Variants in FADS6 observed in about 807,000 individuals in gnomAD.
FADS6 encodes fatty acid desaturase domain family, member 6.
In FADS6, 28 loss-of-function variants were observed where a neutral mutation model predicts 31.7. The observed-to-expected ratio is 0.88, with a 90% CI of 0.66 to 1.21. The LOEUF (loss-of-function observed/expected upper bound fraction) is 1.21. FADS6 is among the 50% of genes most tolerant of loss of function. The probability of loss-of-function intolerance (pLI) is 0.00; values close to 1 mark genes in which losing one functional copy is unlikely to be tolerated. For missense variants in FADS6, 494 were observed against 504.2 expected, an observed-to-expected ratio of 0.98 and a Z score of 0.19; for synonymous variants, 191 against 213.1, an observed-to-expected ratio of 0.90 and a Z score of 0.90.
intron 2 of FADS6, 79 bp from the exon 3 acceptor site, chr17:74,882,789 G>A: frequency 6.5e-7 from 1 of 1,542,978 alleles, no homozygotes; most frequent in Non-Finnish European, 8.7e-7. Context: ...AGAGCCCGGA[G>A]AACACCCCCA....
intron 2 of FADS6, among the ~76,000 whole-genome samples, chr17:74,884,170 C>G (rs996279559): frequency 6.6e-6 from 1 of 152,118 alleles, no homozygotes; most frequent in East Asian, 1.9e-4. Context: ...GAGGACTATT[C>G]TTGCTGTGGC....
Position 74,878,242 on chromosome 17 carries a change from C to A in FADS6, c.*89G>T, listed in dbSNP as rs954835202. 1 of 1,483,424 alleles carries A rather than the reference C, an allele frequency of 6.7e-7. No individual in the cohort carries two copies. Among genetic ancestry groups the A allele is most frequent in the African/African-American group, 1.4e-5 (1 of 71,370 alleles). 91.9% of individuals were successfully genotyped at this position (1,483,424 alleles called of 1,614,324 possible). A position where few individuals can be genotyped will look rare whatever the true frequency, so the allele number is the denominator to read the frequency against. On this transcript the variant is annotated 3_prime_UTR_variant, in exon 6 of 6. Coordinates refer to ENST00000612771, the MANE Select transcript of FADS6 (RefSeq NM_178128.6). ...CTCCACTCTCCAGGTCCACCACCAGCCACTGAGCCACACCCCCTGGACCAG... is the reference window on the plus strand; with the variant it reads ...CTCCACTCTCCAGGTCCACCACCAGACACTGAGCCACACCCCCTGGACCAG...
At chr17:74,887,909 A>G (rs1377822080) in intron 2 of FADS6, among the ~76,000 whole-genome samples, 2 of 151,970 alleles carry the variant, frequency 1.3e-5, no homozygotes, top group East Asian at 3.9e-4. Context: ...GATGGTCTCT[A>G]TCTCCTGACC....
chr17:74,888,280 T>C (rs2038652154), intron 2 of FADS6, among the ~76,000 whole-genome samples: 1 of 152,154 alleles, frequency 6.6e-6, no homozygotes, highest in African/African-American at 2.4e-5. Flanking sequence ...TCTGTCCTAT[T>C]TTTGCAAGGC....
rs1424492411 is a variant in FADS6 at position 74,892,582 on chromosome 17, G to T, written c.352C>A (p.His118Asn). ...LTVKGSHLATHGALTESKRWS... is the reference protein window; with the variant it reads ...LTVKGSHLATNGALTESKRWS... The stretch of plus-strand genomic sequence containing the variant: ...CGTTTGGACTCGGTGAGGGCCCCAT[G>T]AGTGGCCAGGTGGCTGCCCTTGACA... The change falls in exon 2 of 6, where the codon CAT becomes AAT. Residue 118 changes from histidine (H) to asparagine (N), a missense_variant. Coordinates refer to ENST00000612771, the MANE Select transcript of FADS6 (RefSeq NM_178128.6). The T allele has an allele frequency of 1.4e-5, 22 of 1,613,374 alleles. No individual in the cohort carries two copies. Among genetic ancestry groups the T allele is most frequent in the African/African-American group, 2.7e-5 (2 of 74,942 alleles).
intron 2 of FADS6, 45 bp downstream of exon 2, chr17:74,892,478 A>C: frequency 1.0e-5 from 16 of 1,580,260 alleles, no homozygotes; most frequent in Non-Finnish European, 1.4e-5. Context: ...TGAGGCTGCC[A>C]CACGGTCCCA....
rs757742980 is a variant in FADS6 at position 74,881,202 on chromosome 17, A to G, written c.646T>C (p.Ser216Pro). The change falls in exon 4 of 6, where the codon TCT (serine) becomes CCT (proline). Residue 216 changes from serine (S) to proline (P), a missense_variant. By Grantham distance (74) the Ser-to-Pro change is moderately conservative. This residue lies in a region of FADS6 where 454 missense variants were observed against 438.5 expected (regional missense o/e 1.04). Transcript: ENST00000612771. ...GTALRTLALI[S>P]LGLYSHYWLL... ...CAGTAGTGAGAATAAAGGCCCAGAG[A>G]AATCAGGGCCAGCGTCCGCAGGGCT... The G allele has an allele frequency of 6.2e-7, 1 of 1,611,390 alleles. No individual in the cohort carries two copies. The highest frequency in any genetic ancestry group is 8.5e-7 in the Non-Finnish European group (1 of 1,178,790).
chr17:74,893,087 C>G (rs1039351850), intron 1 of FADS6, among the ~76,000 whole-genome samples: 2 of 152,154 alleles, frequency 1.3e-5, no homozygotes, highest in African/African-American at 4.8e-5. Flanking sequence ...CTCCCCCGCT[C>G]CTCTCAACTT....
downstream of FADS6, among the ~76,000 whole-genome samples, chr17:74,874,866 A>T (rs2038495226): frequency 1.3e-5 from 2 of 152,308 alleles, no homozygotes; most frequent in South Asian, 4.1e-4. Context: ...TTGTGCTTTG[A>T]TGGCACAATT....
chr17:74,878,347 T>C lies in FADS6; in HGVS notation c.1091A>G (p.Glu364Gly), dbSNP rs201532961. The change falls in exon 6 of 6, where the codon GAG (glutamate) becomes GGG (glycine). Residue 364 changes from glutamate (E) to glycine (G), a missense_variant. Glu to Gly is a moderately conservative substitution (Grantham distance 98, BLOSUM62 -2). Transcript: ENST00000612771. The part of the protein sequence containing the change: ...EFMVQAPPIT[E>G]LVGL Reference sequence around the variant, plus strand: ...CCGGCCTCATTACAGCCCCACAAGCTCAGTGATGGGTGGGGCCTGCACCAT... The same window carrying C: ...CCGGCCTCATTACAGCCCCACAAGCCCAGTGATGGGTGGGGCCTGCACCAT... 1,017 of 1,613,508 alleles carry C rather than the reference T, an allele frequency of 6.3e-4. No individual in the cohort carries two copies. The highest frequency in any genetic ancestry group is 8.1e-4 in the Non-Finnish European group (957 of 1,179,724).
intron 2 of FADS6, among the ~76,000 whole-genome samples, chr17:74,884,063 C>T (rs2038599994): frequency 1.3e-5 from 2 of 152,174 alleles, no homozygotes; most frequent in African/African-American, 2.4e-5. Context: ...TTCCCAGGGC[C>T]TTGTCCCTGG....
In FADS6 at chr17:74,878,451, T is replaced by C; in HGVS notation, c.987A>G (p.Leu329=). The C allele has an allele frequency of 6.8e-6, 11 of 1,613,970 alleles. No homozygotes were observed. The highest frequency in any genetic ancestry group is 9.3e-6 in the Non-Finnish European group (11 of 1,179,864). The change falls in exon 6 of 6, where the codon CTA becomes CTG. Residue 329 remains leucine (L), a synonymous_variant. Coordinates refer to ENST00000612771, the MANE Select transcript of FADS6 (RefSeq NM_178128.6). ...CGTTGTACGGTAGCTGCTTCTCACG[T>C]AGGAACTGGGACACCACGGGCTTCA... ...LKVKPVVSQF[L]REKQLPYNED...
intron 2 of FADS6, among the ~76,000 whole-genome samples, chr17:74,891,561 G>C (rs544926985): frequency 6.6e-6 from 1 of 152,162 alleles, no homozygotes; most frequent in Non-Finnish European, 1.5e-5. Flanking sequence ...TCTTGAAATT[G>C]ACCCTGAGGA....
chr17:74,893,569 A>G lies in FADS6; in HGVS notation c.27T>C (p.Pro9=), dbSNP rs966063492. The change falls in exon 1 of 6, where the codon CCT becomes CCC. Residue 9 remains proline (P), a synonymous_variant. Transcript: ENST00000612771. MEPTEPME[P]TEPMEPTEPM... ...GCTCCGTAGGTTCCATGGGCTCCGT[A>G]GGTTCCATCGGCTCCGTGGGTTCCA... is the stretch of plus-strand genomic sequence containing the variant. 3.2e-4 allele frequency: 432 copies of G among 1,356,194 alleles called. 1 individual carries two copies. Among genetic ancestry groups the G allele is most frequent in the African/African-American group, 2.0e-3 (87 of 43,354 alleles). The allele number at this position is 1,356,194 out of a possible 1,614,324, so 84.0% of individuals were successfully genotyped here.
intron 2 of FADS6, among the ~76,000 whole-genome samples, chr17:74,890,163 T>C (rs1395395357): frequency 6.6e-6 from 1 of 152,136 alleles, no homozygotes; most frequent in Non-Finnish European, 1.5e-5. Context: ...AACCATGGCT[T>C]CAAAGGCTGG....
intron 2 of FADS6, among the ~76,000 whole-genome samples, chr17:74,885,572 A>C (rs1324046657): frequency 1.3e-5 from 2 of 151,582 alleles, no homozygotes; most frequent in Admixed American, 1.3e-4. Context: ...CCCTCTGACG[A>C]CCCTCAATCC....
chr17:74,881,857 G>C (rs1209892434), intron 3 of FADS6, among the ~76,000 whole-genome samples: 2 of 151,950 alleles, frequency 1.3e-5, no homozygotes, highest in Non-Finnish European at 2.9e-5. Flanking sequence ...CATCACCCCT[G>C]CCTCCCTCCA....
At chr17:74,874,832 T>C (rs2038494338), downstream of FADS6, among the ~76,000 whole-genome samples, 1 of 152,254 alleles carries the variant, frequency 6.6e-6, no homozygotes. Context: ...TGCTTACTTC[T>C]TTACATATTG....
At chr17:74,875,059 GA>G (rs1598549705), downstream of FADS6, among the ~76,000 whole-genome samples, 3 of 152,308 alleles carry the variant, frequency 2.0e-5, no homozygotes, top group East Asian at 5.8e-4. Flanking sequence ...TCGTACAATC[GA>G]AAAAGTTCTG....
Sources: allele counts gnomAD v4.1 joint callset (sites outside exome capture counted in the v4.1 genomes callset), GRCh38; gene constraint gnomAD v4.1.1; regional missense constraint gnomAD v4.1.1; transcripts MANE v1.5; gene names NCBI Gene and HGNC (gene_info 2026-07-23, HGNC 2026-07-21).